TBCEL: variants seen among roughly 807,000 people sequenced by gnomAD.
TBCEL encodes the protein tubulin folding cofactor E like, also known as tubulin-specific chaperone cofactor E-like protein.
TBCEL carries 15 observed loss-of-function variants against 44.2 expected under a neutral mutation model. That is an observed-to-expected ratio of 0.34 (90% CI 0.23 to 0.52). TBCEL has a LOEUF of 0.52. Among genes scored for constraint, TBCEL ranks in the 20% least tolerant of loss-of-function variants. The pLI is 0.95. For missense variants in TBCEL, 319 were observed against 506.3 expected (o/e 0.63, Z 3.55); for synonymous variants, 171 against 185.4 (o/e 0.92, Z 0.63).
chr11:121,088,213 T>C lies in TBCEL; in HGVS notation c.*1117T>C, dbSNP rs1206233597. ...GTGGGAAACATTAATCAAAGGGAGA[T>C]TTTATTCCCAGGTTTTCCCTGGGAC... On this transcript the variant is annotated 3_prime_UTR_variant, in exon 9 of 9. Coordinates refer to ENST00000683345, the MANE Select transcript of TBCEL (RefSeq NM_001363644.2). 1 of 152,206 alleles carries C rather than the reference T, an allele frequency of 6.6e-6. No individual in the cohort carries two copies. Among genetic ancestry groups the C allele is most frequent in the Non-Finnish European group, 1.5e-5 (1 of 68,032 alleles). The allele number at this position is 152,206 out of a possible 1,614,324, so 9.4% of individuals were successfully genotyped here. A position where few individuals can be genotyped will look rare whatever the true frequency, so the allele number is the denominator to read the frequency against.
intron 8 of TBCEL, among the ~76,000 whole-genome samples, chr11:121,062,423 T>G (rs764323085): frequency 6.6e-6 from 1 of 152,164 alleles, no homozygotes; most frequent in Non-Finnish European, 1.5e-5. Context: ...TGCTGTACAT[T>G]TATACAGCAG....
At chr11:121,054,363 T>C (rs1307455255) in intron 5 of TBCEL, among the ~76,000 whole-genome samples, 1 of 151,842 alleles carries the variant, frequency 6.6e-6, no homozygotes, top group Non-Finnish European at 1.5e-5. Flanking sequence ...TATTCCGTCT[T>C]AATTTCACAC....
intron 7 of TBCEL, 95 bp from the exon 8 acceptor site, chr11:121,059,874 G>A (rs1248901634): frequency 1.2e-6 from 1 of 857,800 alleles, no homozygotes; most frequent in African/African-American, 1.7e-5. Flanking sequence ...GTCCTTTCAA[G>A]AAAATAAGAC....
intron 8 of TBCEL, among the ~76,000 whole-genome samples, chr11:121,061,162 A>G (rs1335814598): frequency 6.6e-6 from 1 of 152,104 alleles, no homozygotes; most frequent in Non-Finnish European, 1.5e-5. Context: ...AATAGATACT[A>G]CTTTATCATT....
intron 8 of TBCEL, among the ~76,000 whole-genome samples, chr11:121,069,752 G>A (rs12274032): frequency 0.37 from 56,231 of 151,660 alleles, 11,072 homozygotes; most frequent in African/African-American, 0.51. Context: ...AGATTGTGCC[G>A]CTGCACTCCA....
intron 1 of TBCEL, among the ~76,000 whole-genome samples, chr11:121,028,159 C>T (rs187944924): frequency 2.0e-5 from 3 of 152,076 alleles, no homozygotes; most frequent in African/African-American, 7.2e-5. Context: ...GCTATGATTA[C>T]ACCATTGCAC....
chr11:121,057,050 T>A (rs1945634798), intron 6 of TBCEL, among the ~76,000 whole-genome samples: 1 of 151,844 alleles, frequency 6.6e-6, no homozygotes, highest in Admixed American at 6.6e-5. Flanking sequence ...CATAGAGGTT[T>A]TAAAAGTGGG....
Position 121,061,540 on chromosome 11 carries a change from A to G in TBCEL, c.956+1455A>G, listed in dbSNP as rs184526710. ...ATACTTACACAAACCTAGGTGGTAT[A>G]GCCTACTACACACCTAGGCTATATG... On this transcript the variant is annotated intron_variant, in intron 8 of 8. Transcript: ENST00000683345. 2.8e-3 allele frequency among the ~76,000 whole-genome samples: 421 copies of G among 152,208 alleles called. 4 individuals carry two copies. Among genetic ancestry groups the G allele is most frequent in the African/African-American group, 9.4e-3 (389 of 41,552 alleles).
chr11:121,083,352 G>A (rs934768960), intron 8 of TBCEL, among the ~76,000 whole-genome samples: 4 of 152,144 alleles, frequency 2.6e-5, no homozygotes, highest in Admixed American at 2.0e-4. Context: ...AGGAGAGAAA[G>A]AAATAAGAAT....
At chr11:121,031,904 T>C (rs1591378225) in intron 1 of TBCEL, among the ~76,000 whole-genome samples, 1 of 152,236 alleles carries the variant, frequency 6.6e-6, no homozygotes, top group African/African-American at 2.4e-5. Flanking sequence ...GCGATCCTTC[T>C]GCCTTGGCCT....
At chr11:121,083,931 G>T (rs187416152) in intron 8 of TBCEL, among the ~76,000 whole-genome samples, 1 of 152,288 alleles carries the variant, frequency 6.6e-6, no homozygotes, top group Non-Finnish European at 1.5e-5. Flanking sequence ...TCTCAGTTCT[G>T]CAGGCTAGAA....
intron 1 of TBCEL, among the ~76,000 whole-genome samples, chr11:121,028,860 T>C (rs778039271): frequency 6.6e-6 from 1 of 152,226 alleles, no homozygotes; most frequent in Non-Finnish European, 1.5e-5. Flanking sequence ...GTTTCCGCCT[T>C]CTTTAGAAGA....
chr11:121,062,847 A>G (rs879646455), intron 8 of TBCEL, among the ~76,000 whole-genome samples: 2 of 152,166 alleles, frequency 1.3e-5, no homozygotes, highest in African/African-American at 2.4e-5. Flanking sequence ...TGCTGCTGGC[A>G]CTGTCATCTC....
At chr11:121,067,893 C>T (rs911251089) in intron 8 of TBCEL, among the ~76,000 whole-genome samples, 4 of 152,194 alleles carry the variant, frequency 2.6e-5, no homozygotes, top group Non-Finnish European at 5.9e-5. Context: ...GGGCTTCAAG[C>T]TAGAGATAAA....
chr11:121,058,646 A>C (rs757648520), intron 7 of TBCEL, among the ~76,000 whole-genome samples, 175 bp downstream of exon 7: 3 of 151,932 alleles, frequency 2.0e-5, no homozygotes, highest in Admixed American at 6.6e-5. Flanking sequence ...TGCGAGCACT[A>C]TGATGAGGAA....
At chr11:121,030,872 ATT>A (rs67391664) in intron 1 of TBCEL, among the ~76,000 whole-genome samples, 22,385 of 144,324 alleles carry the variant, frequency 0.16, 2,441 homozygotes, top group African/African-American at 0.32. Flanking sequence ...TATTCTTGTG[ATT>A]TTTTTTTTTT....
chr11:121,082,072 T>A (rs886384015), intron 8 of TBCEL, among the ~76,000 whole-genome samples: 3 of 152,214 alleles, frequency 2.0e-5, no homozygotes, highest in Non-Finnish European at 4.4e-5. Flanking sequence ...AGGAACCAGA[T>A]CATGGAGGGC....
At chr11:121,057,731 T>C in intron 6 of TBCEL, 1 of 394,406 alleles carries the variant, frequency 2.5e-6, no homozygotes, top group South Asian at 2.0e-5. Flanking sequence ...AGAGATAAAG[T>C]ATGCAGGAGG....
intron 2 of TBCEL, among the ~76,000 whole-genome samples, chr11:121,043,499 G>A (rs543266736): frequency 4.5e-4 from 69 of 152,190 alleles, no homozygotes; most frequent in Admixed American, 1.0e-3. Context: ...ATATCAAACA[G>A]CCTTCTGAGA....
Sources: allele counts gnomAD v4.1 joint callset (sites outside exome capture counted in the v4.1 genomes callset), GRCh38; gene constraint gnomAD v4.1.1; transcripts MANE v1.5; gene names NCBI Gene and HGNC (gene_info 2026-07-23, HGNC 2026-07-21).